Variants in PROM1 observed in about 807,000 individuals in gnomAD.
PROM1 encodes the protein prominin 1, also known as prominin-1.
PROM1 carries 105 observed loss-of-function variants against 116.9 expected under a neutral mutation model. That is an observed-to-expected ratio of 0.90 (90% CI 0.77 to 1.06). The LOEUF (loss-of-function observed/expected upper bound fraction) is 1.06, where lower values mean the gene tolerates loss of function less well. PROM1 is among the 50% of genes least tolerant of loss of function. The pLI is 0.00. For missense variants in PROM1, 1,122 were observed against 1,045.2 expected, an observed-to-expected ratio of 1.07 and a Z score of -1.01; for synonymous variants, 393 against 387.0, an observed-to-expected ratio of 1.02 and a Z score of -0.18.
In PROM1 at chr4:16,018,418, T is replaced by TG; in HGVS notation, c.906dup (p.Asn303GlnfsTer2). ...GGATGCACCAAGCACAGAGGGTCAT[T>TG]GAGAGATGACCGCAGGCTAGTTTTC... On this transcript the variant is annotated frameshift_variant, in exon 9 of 28. Coordinates refer to ENST00000447510, the MANE Select transcript of PROM1 (RefSeq NM_006017.3). LOFTEE classifies it high-confidence loss of function. The TG allele has an allele frequency of 6.2e-7, 1 of 1,613,814 alleles. No homozygotes were observed. Among genetic ancestry groups the TG allele is most frequent in the Non-Finnish European group, 8.5e-7 (1 of 1,179,828 alleles).
At chr4:16,017,087 T>A (rs1414549974) in intron 9 of PROM1, among the ~76,000 whole-genome samples, 10 of 152,178 alleles carry the variant, frequency 6.6e-5, no homozygotes, top group Non-Finnish European at 1.2e-4. Flanking sequence ...GGAAGGACAA[T>A]AAAATATTTA....
chr4:16,004,260 C>T (rs1338593028), intron 13 of PROM1, among the ~76,000 whole-genome samples: 6 of 152,216 alleles, frequency 3.9e-5, no homozygotes, highest in Non-Finnish European at 5.9e-5. Flanking sequence ...CAAACAACAT[C>T]TGACAGTTAC....
chr4:16,031,188 T>G (rs1732617253), intron 5 of PROM1, among the ~76,000 whole-genome samples: 1 of 152,248 alleles, frequency 6.6e-6, no homozygotes, highest in Non-Finnish European at 1.5e-5. Flanking sequence ...ATTATTAACT[T>G]GTTAAATAAG....
chr4:16,023,318 C>T lies in PROM1; in HGVS notation c.784+8G>A. On this transcript the variant is annotated splice_region_variant and intron_variant, in intron 8 of 27. Coordinates refer to ENST00000447510, the MANE Select transcript of PROM1 (RefSeq NM_006017.3). ...AACTTTCTTTGGTCATTTTTGCCCACTGCTTACCTGTTGCCATGGACTTAA... is the reference window on the plus strand; with the variant it reads ...AACTTTCTTTGGTCATTTTTGCCCATTGCTTACCTGTTGCCATGGACTTAA... The T allele has an allele frequency of 6.3e-7, 1 of 1,589,222 alleles. No homozygotes were observed.
At chr4:15,989,501 C>A (rs1225830045) in intron 19 of PROM1, among the ~76,000 whole-genome samples, 1 of 152,226 alleles carries the variant, frequency 6.6e-6, no homozygotes, top group Non-Finnish European at 1.5e-5. Flanking sequence ...GTGGAAGAGA[C>A]AGCCACAGAT....
chr4:16,043,938 T>C (rs2149436819), intron 2 of PROM1, among the ~76,000 whole-genome samples: 1 of 152,278 alleles, frequency 6.6e-6, no homozygotes, highest in East Asian at 1.9e-4. Flanking sequence ...TCTCTGTCTG[T>C]CTCCCTCTCA....
intron 26 of PROM1, among the ~76,000 whole-genome samples, chr4:15,975,683 G>A (rs1206357270): frequency 6.6e-6 from 1 of 152,212 alleles, no homozygotes; most frequent in African/African-American, 2.4e-5. Flanking sequence ...GTGTCCCAAT[G>A]TCCCTAGAGT....
In PROM1 at chr4:15,993,976, G is replaced by C. The variant is rs1319521758; in HGVS notation, c.1767+11C>G. ...ATGTGTTATGTCGATTCCATGACGA[G>C]TTCTAATTACCTCATTAATGTTGAG... On this transcript the variant is annotated intron_variant, in intron 16 of 27. Transcript: ENST00000447510. 8 of 1,611,882 alleles carry C rather than the reference G, an allele frequency of 5.0e-6. No individual in the cohort carries two copies. The highest frequency in any genetic ancestry group is 6.8e-6 in the Non-Finnish European group (8 of 1,178,294).
intron 26 of PROM1, among the ~76,000 whole-genome samples, chr4:15,977,743 C>T (rs770629512): frequency 2.0e-5 from 3 of 152,140 alleles, no homozygotes; most frequent in Non-Finnish European, 4.4e-5. Context: ...GGACTACAGG[C>T]GTGTGCCACC....
chr4:15,993,610 T>C (rs896812334), intron 16 of PROM1, among the ~76,000 whole-genome samples: 5 of 152,218 alleles, frequency 3.3e-5, no homozygotes, highest in African/African-American at 2.4e-5. Context: ...TTTCAGAGAC[T>C]GGCAGAAAGG....
At chr4:15,977,245 A>G (rs962034792) in intron 26 of PROM1, among the ~76,000 whole-genome samples, 1 of 152,174 alleles carries the variant, frequency 6.6e-6, no homozygotes, top group Non-Finnish European at 1.5e-5. Context: ...TTCTTAGAAC[A>G]GAGAGTACTT....
intron 14 of PROM1, 142 bp downstream of exon 14, chr4:16,000,354 G>T: frequency 1.5e-6 from 1 of 681,710 alleles, no homozygotes; most frequent in South Asian, 6.2e-5. Flanking sequence ...AAAATTTATT[G>T]AATTTAATAA....
At position 15,969,144 on chromosome 4, in the gene PROM1, AAT is replaced by A. The variant is rs753151191; in HGVS notation, c.*247_*248del. 3.3e-5 allele frequency: 5 copies of A among 152,224 alleles called. No individual in the cohort carries two copies. The highest frequency in any genetic ancestry group is 4.8e-5 in the African/African-American group (2 of 41,454). The allele number at this position is 152,224 out of a possible 1,614,324, so 9.4% of individuals were successfully genotyped here. Reference sequence around the variant, plus strand: ...TCAGTGTAAAAAAGTAAAAAACAAAAATAGACAGGAAGGGAGGGAGTCATCCT... The same window carrying A: ...TCAGTGTAAAAAAGTAAAAAACAAAAAGACAGGAAGGGAGGGAGTCATCCT... On this transcript the variant is annotated 3_prime_UTR_variant, in exon 28 of 28. Coordinates refer to ENST00000447510, the MANE Select transcript of PROM1 (RefSeq NM_006017.3).
chr4:16,073,207 T>A (rs1438649456), intron 2 of PROM1, among the ~76,000 whole-genome samples: 1 of 152,198 alleles, frequency 6.6e-6, no homozygotes, highest in Non-Finnish European at 1.5e-5. Context: ...AAAGGATATA[T>A]CTATGGGAGA....
At chr4:15,995,107 G>T (rs957106304) in intron 15 of PROM1, among the ~76,000 whole-genome samples, 1 of 152,160 alleles carries the variant, frequency 6.6e-6, no homozygotes, top group South Asian at 2.1e-4. Context: ...AGGCTCCCTG[G>T]GCTAAGCAGA....
At chr4:15,974,175 T>A (rs879904803) in intron 26 of PROM1, among the ~76,000 whole-genome samples, 6 of 151,446 alleles carry the variant, frequency 4.0e-5, no homozygotes, top group Non-Finnish European at 8.8e-5. Context: ...AAGATCACAA[T>A]CCGAGTGACC....
chr4:15,988,066 C>T (rs1385274647), intron 19 of PROM1, among the ~76,000 whole-genome samples: 7 of 151,942 alleles, frequency 4.6e-5, no homozygotes, highest in African/African-American at 7.3e-5. Context: ...TTAGTAGAGA[C>T]GGGGTTTCAC....
intron 7 of PROM1, among the ~76,000 whole-genome samples, chr4:16,023,782 G>T (rs955579312): frequency 6.6e-6 from 1 of 152,206 alleles, no homozygotes; most frequent in South Asian, 2.1e-4. Context: ...TGACACGCTA[G>T]ATGTTGGTAG....
At chr4:16,004,590 T>C (rs1208352876) in intron 13 of PROM1, among the ~76,000 whole-genome samples, 2 of 152,158 alleles carry the variant, frequency 1.3e-5, no homozygotes, top group African/African-American at 4.8e-5. Context: ...CCAAGTTAAA[T>C]TGTTGTTAAA....
Sources: gnomAD v4.1 joint callset for allele counts (sites outside exome capture counted in the v4.1 genomes callset) on GRCh38, gnomAD v4.1.1 for gene constraint, MANE v1.5 for transcripts, NCBI Gene and HGNC (gene_info 2026-07-23, HGNC 2026-07-21) for gene names.